Variants in PIK3C2B observed in about 807,000 individuals in gnomAD.
PIK3C2B encodes phosphatidylinositol-4-phosphate 3-kinase catalytic subunit type 2 beta.
PIK3C2B carries 83 observed loss-of-function variants against 184.3 expected under a neutral mutation model. The ratio of observed to expected loss-of-function variants is 0.45; its 90% CI spans 0.38 to 0.54. The LOEUF is 0.54. Among genes scored for constraint, PIK3C2B ranks in the 20% least tolerant of loss-of-function variants. The pLI is 0.00. For synonymous variants in PIK3C2B, 779 were observed against 837.6 expected, an observed-to-expected ratio of 0.93 and a Z score of 1.21; for missense variants, 1,736 against 2,113.5, an observed-to-expected ratio of 0.82 and a Z score of 3.50.
rs754382581 is a variant in PIK3C2B, at chr1:204,439,036, G to T, written c.3415C>A (p.Arg1139Ser). Residue 1139 changes from arginine to serine, a missense_variant, in exon 23 of 33, where the codon CGT (arginine) becomes AGT (serine). By Grantham distance (110) the Arg-to-Ser change is moderately radical. Around this residue, in one of 8 missense-constraint regions of PIK3C2B, gnomAD observed 289 missense variants for 380.4 expected, o/e 0.76. Transcript: ENST00000684373. ...ACCCCATGCTCCACCTGGATCTTAC[G>T]CAGGGTCTCAGCATTAGGGATCATC... is the stretch of plus-strand genomic sequence containing the variant. ...VEMIPNAETL[R>S]KIQVEHGVTG... 6.2e-7 allele frequency: 1 copy of T among 1,613,902 alleles called. No homozygotes were observed.
intron 32 of PIK3C2B, 40 bp from the exon 33 acceptor site, chr1:204,425,080 G>A: frequency 1.9e-6 from 3 of 1,551,532 alleles, no homozygotes; most frequent in Non-Finnish European, 2.7e-6. Flanking sequence ...GGTGAGAGAA[G>A]GAACAAGAAG....
chr1:204,490,633 G>GC (rs137994254), intron 1 of PIK3C2B, among the ~76,000 whole-genome samples: 2,290 of 152,156 alleles, frequency 0.015, 28 homozygotes, highest in Non-Finnish European at 0.022. Context: ...CTTACAAAAT[G>GC]CAAGAACAAG....
At chr1:204,446,207 T>C in intron 15 of PIK3C2B, 63 bp from the exon 16 acceptor site, 1 of 1,204,248 alleles carries the variant, frequency 8.3e-7, no homozygotes, top group Non-Finnish European at 1.2e-6. Context: ...GAGAACAGCA[T>C]CAGCCAGGGG....
chr1:204,471,036 T>C (rs1656275667), intron 1 of PIK3C2B, among the ~76,000 whole-genome samples: 1 of 152,244 alleles, frequency 6.6e-6, no homozygotes, highest in Admixed American at 6.5e-5. Flanking sequence ...GTGATGAATA[T>C]GTTCATTATC....
At chr1:204,430,648 A>G (rs1469664374) in intron 28 of PIK3C2B, among the ~76,000 whole-genome samples, 1 of 149,102 alleles carries the variant, frequency 6.7e-6, no homozygotes, top group East Asian at 2.0e-4. Context: ...CGGCCAAAAA[A>G]TTCATTTAAA....
intron 31 of PIK3C2B, 26 bp downstream of exon 31, chr1:204,427,622 A>C: frequency 6.6e-7 from 1 of 1,513,732 alleles, no homozygotes; most frequent in African/African-American, 1.4e-5. Flanking sequence ...AAAAAGAAAA[A>C]AAATCACGGC....
At chr1:204,493,036 A>C (rs938628545) in intron 1 of PIK3C2B, among the ~76,000 whole-genome samples, 1 of 152,190 alleles carries the variant, frequency 6.6e-6, no homozygotes, top group African/African-American at 2.4e-5. Context: ...GGGATTCCAA[A>C]GTCTCACTGC....
chr1:204,429,966 G>A lies in PIK3C2B; in HGVS notation c.4353C>T (p.Asn1451=), dbSNP rs199781013. 107 of 1,612,804 alleles carry A rather than the reference G, an allele frequency of 6.6e-5. No individual in the cohort carries two copies. In the African/African-American group the frequency reaches 1.3e-3, roughly 19 times the overall value. Residue 1451 remains asparagine (N), a synonymous_variant, in exon 29 of 33, where the codon AAC becomes AAT. Coordinates refer to ENST00000684373, the MANE Select transcript of PIK3C2B (RefSeq NM_001377334.1). ...AVAERRREEL[N]GYIWHLIHAP... ...CGTGGATCAAGTGCCAGATGTAACC[G>A]TTTAGCTCCTCCCTCCGCCGCTCGG...
chr1:204,485,511 A>T (rs182313192), intron 1 of PIK3C2B, among the ~76,000 whole-genome samples: 50 of 152,046 alleles, frequency 3.3e-4, no homozygotes, highest in African/African-American at 1.2e-3. Flanking sequence ...CTGACCCCCT[A>T]AAGTATCTGC....
intron 1 of PIK3C2B, among the ~76,000 whole-genome samples, chr1:204,473,596 C>T (rs943594158): frequency 6.6e-6 from 1 of 152,212 alleles, no homozygotes; most frequent in Non-Finnish European, 1.5e-5. Context: ...CAGAGAATGA[C>T]TGTGTATTTT....
At position 204,493,662 on chromosome 1, in the gene PIK3C2B, C is replaced by CCA. The variant is rs149870807; in HGVS notation, c.-85+692_-85+693dup. Among the ~76,000 whole-genome samples, 694 of 152,262 alleles carry CCA rather than the reference C, an allele frequency of 4.6e-3. 4 individuals carry two copies. Among genetic ancestry groups the CCA allele is most frequent in the African/African-American group, 0.014 (599 of 41,554 alleles). On this transcript the variant is annotated intron_variant, in intron 1 of 32. Coordinates refer to ENST00000684373, the MANE Select transcript of PIK3C2B (RefSeq NM_001377334.1). ...CCTGGGCTCCCCACCCTACTCCACC[C>CCA]CACACCAGCTTGGCAGCCTTGCTTG... is the stretch of plus-strand genomic sequence containing the variant.
chr1:204,488,557 C>T (rs983443612), intron 1 of PIK3C2B, among the ~76,000 whole-genome samples: 1 of 152,232 alleles, frequency 6.6e-6, no homozygotes, highest in African/African-American at 2.4e-5. Flanking sequence ...TACCTGTCCT[C>T]TTCACTGCTG....
chr1:204,469,189 T>C lies in PIK3C2B; in HGVS notation c.614A>G (p.His205Arg), dbSNP rs538540305. ...VEQLPGKLLE[H>R]RILEEEEVLG... is the part of the protein sequence containing the mutation. ...CACCTCTTCCTCTTCTAGGATCCGA[T>C]GCTCTAGCAGTTTGCCCGGCAATTG... The change falls in exon 2 of 33, where the codon CAT becomes CGT. Residue 205 changes from histidine (H) to arginine (R), a missense_variant. This residue lies in a region of PIK3C2B where 404 missense variants were observed against 418.0 expected (regional missense o/e 0.97). Transcript: ENST00000684373. 2.7e-5 allele frequency: 44 copies of C among 1,613,580 alleles called. No individual in the cohort carries two copies. The highest frequency in any genetic ancestry group is 1.5e-4 in the Admixed American group (9 of 59,996).
chr1:204,438,172 G>A (rs539488221), intron 23 of PIK3C2B, among the ~76,000 whole-genome samples: 188 of 152,346 alleles, frequency 1.2e-3, no homozygotes, highest in African/African-American at 4.3e-3. Context: ...TGGGTCCCTT[G>A]AAGTTAAAAT....
chr1:204,494,298 C>G (rs1658222427), intron 1 of PIK3C2B, 58 bp downstream of exon 1: 1 of 152,342 alleles, frequency 6.6e-6, no homozygotes, highest in East Asian at 1.9e-4. Flanking sequence ...GCTGCCTCCA[C>G]TCTGGGGGCA....
intron 1 of PIK3C2B, among the ~76,000 whole-genome samples, chr1:204,487,783 A>C (rs1657725702): frequency 6.6e-6 from 1 of 152,128 alleles, no homozygotes; most frequent in African/African-American, 2.4e-5. Flanking sequence ...ACCTTATCAC[A>C]ATCGATTCAT....
At chr1:204,442,029 G>A (rs567862875) in intron 20 of PIK3C2B, among the ~76,000 whole-genome samples, 81 of 152,114 alleles carry the variant, frequency 5.3e-4, no homozygotes, top group Admixed American at 8.5e-4. Context: ...CACCACCTCC[G>A]ACTTCATCCC....
At chr1:204,431,930 G>A in intron 27 of PIK3C2B, 137 bp from the exon 28 acceptor site, 1 of 966,572 alleles carries the variant, frequency 1.0e-6, no homozygotes, top group Non-Finnish European at 1.6e-6. Flanking sequence ...AGTGGAGACA[G>A]ATGATAGCAC....
chr1:204,470,459 C>T (rs116437528), intron 1 of PIK3C2B, among the ~76,000 whole-genome samples: 1,932 of 152,310 alleles, frequency 0.013, 51 homozygotes, highest in African/African-American at 0.042. Flanking sequence ...TGAGCTACCA[C>T]GCCCAGCCAA....
Sources: allele counts gnomAD v4.1 joint callset (sites outside exome capture counted in the v4.1 genomes callset), GRCh38; gene constraint gnomAD v4.1.1; regional missense constraint gnomAD v4.1.1; transcripts MANE v1.5; gene names NCBI Gene and HGNC (gene_info 2026-07-23, HGNC 2026-07-21).